SLC24A2: variants seen among roughly 807,000 people sequenced by gnomAD.
The protein encoded by SLC24A2 is solute carrier family 24 member 2, also known as sodium/potassium/calcium exchanger 2.
Under a neutral mutation model 62.0 loss-of-function variants are expected in SLC24A2, and 36 were observed. The ratio of observed to expected loss-of-function variants is 0.58; its 90% CI spans 0.44 to 0.77. The LOEUF is 0.77. Among genes scored for constraint, SLC24A2 ranks in the 30% least tolerant of loss-of-function variants. The probability of loss-of-function intolerance (pLI) is 0.00; values close to 1 mark genes in which losing one functional copy is unlikely to be tolerated. For missense variants in SLC24A2, 846 were observed against 817.9 expected (o/e 1.03, Z -0.42); for synonymous variants, 358 against 294.0 (o/e 1.22, Z -2.23).
At chr9:19,614,585 C>T (rs1008537698) in intron 4 of SLC24A2, among the ~76,000 whole-genome samples, 2 of 152,166 alleles carry the variant, frequency 1.3e-5, no homozygotes, top group African/African-American at 4.8e-5. Flanking sequence ...CCCCATGAGT[C>T]TGGGCTGGAC....
the SLC24A2 span, among the ~76,000 whole-genome samples, chr9:20,124,788 A>C: frequency 2.0e-5 from 3 of 152,210 alleles, no homozygotes; most frequent in Non-Finnish European, 4.4e-5. Flanking sequence ...ACATCTGCTT[A>C]TAGTCAGTAA....
the SLC24A2 span, among the ~76,000 whole-genome samples, chr9:20,137,603 C>A: frequency 1.6e-3 from 242 of 152,318 alleles, 1 homozygote; most frequent in African/African-American, 5.5e-3. Context: ...GGGCCAGGAA[C>A]TCATGGCTTC....
At chr9:20,109,818 C>A in the SLC24A2 span, among the ~76,000 whole-genome samples, 1 of 152,064 alleles carries the variant, frequency 6.6e-6, no homozygotes. Context: ...TCTAGAGGAA[C>A]CCAACACACA....
At chr9:20,266,731 G>A in the SLC24A2 span, among the ~76,000 whole-genome samples, 1 of 152,116 alleles carries the variant, frequency 6.6e-6, no homozygotes, top group African/African-American at 2.4e-5. Flanking sequence ...CTGTATCCTT[G>A]GAGATTCACG....
At chr9:19,934,785 C>G in the SLC24A2 span, among the ~76,000 whole-genome samples, 1 of 152,102 alleles carries the variant, frequency 6.6e-6, no homozygotes, top group Non-Finnish European at 1.5e-5. This position sits in a 1 kb window ranked among gnomAD's most constrained non-coding sequence, Gnocchi z 4.1. Flanking sequence ...TACAGAGTAA[C>G]GAACCGAGCG....
chr9:20,190,065 C>T, the SLC24A2 span, among the ~76,000 whole-genome samples: 4 of 152,198 alleles, frequency 2.6e-5, no homozygotes, highest in Non-Finnish European at 5.9e-5. Context: ...TTAATTTCCT[C>T]TCCAGCGGTT....
At chr9:19,944,423 C>A in the SLC24A2 span, among the ~76,000 whole-genome samples, 1 of 133,338 alleles carries the variant, frequency 7.5e-6, no homozygotes, top group Admixed American at 8.0e-5. Context: ...CCCCCTGAAT[C>A]TAGAATAAAA....
the SLC24A2 span, among the ~76,000 whole-genome samples, chr9:19,802,483 G>A: frequency 2.4e-4 from 36 of 152,292 alleles, no homozygotes; most frequent in African/African-American, 8.7e-4. Flanking sequence ...AATAAGAATT[G>A]TTTGGATCTG....
At chr9:20,169,518 C>T in the SLC24A2 span, among the ~76,000 whole-genome samples, 1 of 152,006 alleles carries the variant, frequency 6.6e-6, no homozygotes. Flanking sequence ...TTTGTGCAGA[C>T]AACCCCCAGT....
At chr9:20,150,100 T>C in the SLC24A2 span, among the ~76,000 whole-genome samples, 2 of 151,994 alleles carry the variant, frequency 1.3e-5, no homozygotes, top group African/African-American at 2.4e-5. Flanking sequence ...TTCCCTTCTC[T>C]AGGTTACAGT....
chr9:19,583,526 T>C (rs1264132845), intron 5 of SLC24A2, among the ~76,000 whole-genome samples: 1 of 152,186 alleles, frequency 6.6e-6, no homozygotes, highest in Non-Finnish European at 1.5e-5. Context: ...ATATCTCCAG[T>C]ATCAGATTGG....
chr9:19,664,125 T>G (rs574391304), intron 2 of SLC24A2, among the ~76,000 whole-genome samples: 3 of 152,232 alleles, frequency 2.0e-5, no homozygotes, highest in Admixed American at 6.5e-5. Flanking sequence ...ATTAACACCC[T>G]TGGATAAACC....
chr9:19,740,974 A>T (rs1821658820), intron 2 of SLC24A2, among the ~76,000 whole-genome samples: 1 of 152,028 alleles, frequency 6.6e-6, no homozygotes, highest in South Asian at 2.1e-4. Context: ...TCACAGTTTT[A>T]TTGGCTTTAT....
the SLC24A2 span, among the ~76,000 whole-genome samples, chr9:20,211,949 A>G: frequency 1.3e-5 from 2 of 152,184 alleles, no homozygotes. Flanking sequence ...GATAAAAGCC[A>G]ATAAATTATA....
At chr9:20,271,767 T>C in the SLC24A2 span, among the ~76,000 whole-genome samples, 1 of 152,148 alleles carries the variant, frequency 6.6e-6, no homozygotes, top group African/African-American at 2.4e-5. Context: ...TAAAGAAAGG[T>C]TTGAATGAGT....
the SLC24A2 span, among the ~76,000 whole-genome samples, chr9:20,117,146 C>T: frequency 3.3e-5 from 5 of 152,290 alleles, no homozygotes; most frequent in African/African-American, 1.2e-4. Context: ...GATAACATCT[C>T]CTTCCCTTGT....
At chr9:20,005,785 G>A in the SLC24A2 span, among the ~76,000 whole-genome samples, 1 of 151,272 alleles carries the variant, frequency 6.6e-6, no homozygotes, top group African/African-American at 2.4e-5. Context: ...TTAACCAGGT[G>A]CTAAAGAGAG....
At chr9:19,844,756 A>C in the SLC24A2 span, among the ~76,000 whole-genome samples, 4 of 152,126 alleles carry the variant, frequency 2.6e-5, no homozygotes, top group African/African-American at 7.2e-5. Flanking sequence ...CTATTCCAGC[A>C]CCATTTATTA....
the SLC24A2 span, among the ~76,000 whole-genome samples, chr9:19,938,441 A>G: frequency 6.6e-6 from 1 of 152,150 alleles, no homozygotes; most frequent in Admixed American, 6.5e-5. Context: ...CAATACTGTG[A>G]CACTTCCTTT....
Sources: gnomAD v4.1 joint callset for allele counts (sites outside exome capture counted in the v4.1 genomes callset) on GRCh38, gnomAD v4.1.1 for gene constraint, Gnocchi (gnomAD v3.1) non-coding constraint, MANE v1.5 for transcripts, NCBI Gene and HGNC (gene_info 2026-07-23, HGNC 2026-07-21) for gene names.